RTKN2: variants seen among roughly 807,000 people sequenced by gnomAD.
The protein encoded by RTKN2 is rhotekin 2.
Under a neutral mutation model 71.5 loss-of-function variants are expected in RTKN2, and 69 were observed. The ratio of observed to expected loss-of-function variants is 0.96; its 90% confidence interval spans 0.79 to 1.18. The LOEUF is 1.18. Among genes scored for constraint, RTKN2 ranks in the 50% most tolerant of loss-of-function variants. The pLI, the probability that RTKN2 is intolerant of heterozygous loss-of-function variation, is 0.00. For missense variants in RTKN2, 724 were observed against 719.7 expected (o/e 1.01, Z -0.07); for synonymous variants, 236 against 236.5 (o/e 1.00, Z 0.02).
rs80043949 is a variant in RTKN2, at chr10:62,217,234, G to A, written c.904C>T (p.Leu302=). The change falls in exon 9 of 12, where the codon CTG becomes TTG. Residue 302 remains leucine, a synonymous_variant. Transcript: ENST00000373789. ...FLNQQQMVEG[L]ISWRRLYCVL... is the part of the protein sequence containing the mutation. ...CAATACAACCTTCTCCAACTAATCAGACCTTCTACCATTTGCTGAAAAAAA... is the reference window on the plus strand; with the variant it reads ...CAATACAACCTTCTCCAACTAATCAAACCTTCTACCATTTGCTGAAAAAAA... 4.4e-4 allele frequency: 667 copies of A among 1,499,918 alleles called. No individual in the cohort carries two copies. In the African/African-American group the frequency reaches 8.6e-3, roughly 19 times the overall value. 92.9% of individuals were successfully genotyped at this position (1,499,918 alleles called of 1,614,324 possible).
chr10:62,227,310 A>G (rs1267805042), intron 6 of RTKN2, among the ~76,000 whole-genome samples: 2 of 152,120 alleles, frequency 1.3e-5, no homozygotes, highest in Non-Finnish European at 2.9e-5. Context: ...GTCAGGGGAG[A>G]GTGCTATTTC....
chr10:62,194,739 G>C lies in RTKN2; in HGVS notation c.*3169C>G, dbSNP rs1323563299. On this transcript the variant is annotated 3_prime_UTR_variant, in exon 12 of 12. Coordinates refer to ENST00000373789, the MANE Select transcript of RTKN2 (RefSeq NM_145307.4). ...CTGAGGTGCTGAACATAAGCCTAAA[G>C]AAATACTTGACTGCTTAACCTACCT... 1 of 985,238 alleles carries C rather than the reference G, an allele frequency of 1.0e-6. No individual in the cohort carries two copies. The highest frequency in any genetic ancestry group is 1.2e-6 in the Non-Finnish European group (1 of 829,898). The allele number at this position is 985,238 out of a possible 1,614,324, so 61.0% of individuals were successfully genotyped here.
chr10:62,223,261 T>C lies in RTKN2; in HGVS notation c.758A>G (p.His253Arg), dbSNP rs148771454. ...ACCATTTCCATTAATAGACAGATTA[T>C]GGGTCTTGAAACTATCCTCAGCACT... ...LESAEDSFKT[H>R]NLSINGNEES... Residue 253 changes from histidine (H) to arginine (R), a missense_variant, in exon 7 of 12, where the codon CAT (histidine) becomes CGT (arginine). Transcript: ENST00000373789. 152 of 1,605,534 alleles carry C rather than the reference T, an allele frequency of 9.5e-5. No homozygotes were observed. The highest frequency in any genetic ancestry group is 3.3e-4 in the Middle Eastern group (2 of 6,028).
intron 3 of RTKN2, among the ~76,000 whole-genome samples, chr10:62,245,461 T>C (rs1564522841): frequency 6.6e-6 from 1 of 152,138 alleles, no homozygotes; most frequent in East Asian, 1.9e-4. Context: ...TGGGTCAAAA[T>C]GGAAGACTGG....
downstream of RTKN2, among the ~76,000 whole-genome samples, chr10:62,190,312 T>C (rs1477015380): frequency 6.6e-6 from 1 of 152,194 alleles, no homozygotes; most frequent in Non-Finnish European, 1.5e-5. Context: ...AGCACTTTCT[T>C]CAATAACTGA....
intron 2 of RTKN2, among the ~76,000 whole-genome samples, chr10:62,247,666 T>G (rs1451649943): frequency 2.0e-5 from 3 of 151,968 alleles, no homozygotes; most frequent in African/African-American, 7.2e-5. Context: ...GAATAAAAAG[T>G]TCAATTCAAC....
chr10:62,193,790 G>A lies in RTKN2; in HGVS notation c.*4118C>T. 5 of 983,694 alleles carry A rather than the reference G, an allele frequency of 5.1e-6. No homozygotes were observed. The highest frequency in any genetic ancestry group is 6.0e-6 in the Non-Finnish European group (5 of 828,416). The allele number at this position is 983,694 out of a possible 1,614,324, so 60.9% of individuals were successfully genotyped here. ...AACTAAAAGTAAGGTTATGTCAATG[G>A]ATTTTTAAAAGAGTATACTTTAAGA... is the stretch of plus-strand genomic sequence containing the variant. On this transcript the variant is annotated 3_prime_UTR_variant, in exon 12 of 12. Transcript: ENST00000373789.
chr10:62,189,317 A>AAAAAATC (rs1841183724), downstream of RTKN2, among the ~76,000 whole-genome samples: 1 of 152,146 alleles, frequency 6.6e-6, no homozygotes, highest in South Asian at 2.1e-4. Context: ...TAGTGGGCAA[A>AAAAAATC]AAAAATCACC....
At chr10:62,254,691 G>GT (rs1290622906) in intron 2 of RTKN2, among the ~76,000 whole-genome samples, 1 of 152,158 alleles carries the variant, frequency 6.6e-6, no homozygotes, top group African/African-American at 2.4e-5. Flanking sequence ...TGTAATCCCA[G>GT]TGTTTTGGGA....
intron 4 of RTKN2, among the ~76,000 whole-genome samples, 165 bp downstream of exon 4, chr10:62,240,977 G>T (rs1177269277): frequency 6.6e-6 from 1 of 152,102 alleles, no homozygotes; most frequent in African/African-American, 2.4e-5. Flanking sequence ...AGTATCAAGT[G>T]ACTGCAACAT....
Position 62,212,205 on chromosome 10 carries a change from C to T in RTKN2, c.1020+4913G>A, listed in dbSNP as rs140169610. 2.0e-4 allele frequency among the ~76,000 whole-genome samples: 30 copies of T among 151,420 alleles called. No homozygotes were observed. The East Asian group carries it at 5.4e-3, about 28-fold the overall frequency. Reference sequence around the variant, plus strand: ...TGTAGGCACTACCAACAGGGCACAGCGAAAACTTCAAAAATTAGCCGGGCA... The same window carrying T: ...TGTAGGCACTACCAACAGGGCACAGTGAAAACTTCAAAAATTAGCCGGGCA... On this transcript the variant is annotated intron_variant, in intron 9 of 11. Coordinates refer to ENST00000373789, the MANE Select transcript of RTKN2 (RefSeq NM_145307.4).
intron 7 of RTKN2, among the ~76,000 whole-genome samples, chr10:62,218,608 G>C (rs1349709288): frequency 1.5e-5 from 1 of 68,910 alleles, no homozygotes; most frequent in Non-Finnish European, 3.4e-5. Flanking sequence ...AAGTTGTTCA[G>C]AGAATATAAG....
chr10:62,266,247 T>A (rs1373019758), intron 1 of RTKN2, among the ~76,000 whole-genome samples: 2 of 152,174 alleles, frequency 1.3e-5, no homozygotes, highest in Non-Finnish European at 2.9e-5. Context: ...TACTAGGTTT[T>A]AAGAGCTAGC....
At chr10:62,262,581 A>T (rs1200193007) in intron 2 of RTKN2, 44 bp downstream of exon 2, 1 of 1,281,724 alleles carries the variant, frequency 7.8e-7, no homozygotes, top group Admixed American at 2.2e-5. Context: ...TTAAATTTAC[A>T]TATTTAAGTA....
Position 62,268,751 on chromosome 10 carries a change from C to T in RTKN2, c.-141G>A. On this transcript the variant is annotated 5_prime_UTR_variant, in exon 1 of 12. Coordinates refer to ENST00000373789, the MANE Select transcript of RTKN2 (RefSeq NM_145307.4). ...GCAGGGGCCGGGGGCGCAGGAGGAG[C>T]CGGGCCGAAGCGCACGCGCAGTGGG... 2 of 874,182 alleles carry T rather than the reference C, an allele frequency of 2.3e-6. No homozygotes were observed. The highest frequency in any genetic ancestry group is 3.4e-6 in the Non-Finnish European group (2 of 581,772). 54.2% of individuals were successfully genotyped at this position (874,182 alleles called of 1,614,324 possible).
chr10:62,191,974 G>A (rs558725416), downstream of RTKN2, among the ~76,000 whole-genome samples: 25 of 151,942 alleles, frequency 1.6e-4, no homozygotes, highest in Middle Eastern at 3.4e-3. Flanking sequence ...AACAAGGCAG[G>A]AACTTAAGTA....
intron 9 of RTKN2, among the ~76,000 whole-genome samples, chr10:62,205,668 A>T (rs1020461826): frequency 6.6e-6 from 1 of 152,220 alleles, no homozygotes; most frequent in Non-Finnish European, 1.5e-5. Context: ...CAACACTACC[A>T]CAAGGACAAT....
intron 6 of RTKN2, among the ~76,000 whole-genome samples, chr10:62,228,645 G>A (rs74973740): frequency 0.017 from 2,604 of 152,236 alleles, 63 homozygotes; most frequent in African/African-American, 0.057. Context: ...AAATGATGCC[G>A]TACTAAAGTT....
chr10:62,226,353 T>C (rs1026879220), intron 6 of RTKN2, among the ~76,000 whole-genome samples: 11 of 152,212 alleles, frequency 7.2e-5, no homozygotes, highest in Non-Finnish European at 1.5e-4. Context: ...ATGCAATGTA[T>C]GCATGCACTT....
Sources: gnomAD v4.1 joint callset for allele counts (sites outside exome capture counted in the v4.1 genomes callset) on GRCh38, gnomAD v4.1.1 for gene constraint, MANE v1.5 for transcripts, NCBI Gene and HGNC (gene_info 2026-07-23, HGNC 2026-07-21) for gene names.